Variants in RPL27 observed in about 807,000 individuals in gnomAD.
RPL27 encodes large ribosomal subunit protein eL27.
For missense variants in RPL27, 131 were observed against 174.3 expected (o/e 0.75, Z 1.40); for synonymous variants, 77 against 61.0 (o/e 1.26, Z -1.22).
At chr17:43,000,249 T>G (rs2050345286) in intron 3 of RPL27, 147 bp downstream of exon 3, 1 of 671,916 alleles carries the variant, frequency 1.5e-6, no homozygotes, top group South Asian at 1.9e-5. Context: ...GGTTTCCAGT[T>G]TTGCCTTTGA....
chr17:42,998,318 T>G (rs536512106), upstream of RPL27: 12 of 156,668 alleles, frequency 7.7e-5, no homozygotes, highest in South Asian at 9.4e-4. Flanking sequence ...CTCATGAGCT[T>G]CTTCCGCCCG....
chr17:42,998,887 C>G, intron 2 of RPL27, 56 bp downstream of exon 2: 1 of 1,466,790 alleles, frequency 6.8e-7, no homozygotes, highest in Admixed American at 1.7e-5. Flanking sequence ...CTGGCTGCGG[C>G]GGGGCGGGCA....
At position 42,998,813 on chromosome 17, in the gene RPL27, C is replaced by G; in HGVS notation, c.63C>G (p.Arg21=). The G allele has an allele frequency of 1.2e-6, 2 of 1,613,892 alleles. No individual in the cohort carries two copies. Among genetic ancestry groups the G allele is most frequent in the Non-Finnish European group, 8.5e-7 (1 of 1,179,852 alleles). ...VLVLAGRYSG[R]KAVIVKNIDD... is the part of the protein sequence containing the mutation. ...TCCTGGCTGGACGCTACTCCGGACG[C>G]AAAGCTGTCATCGTGAAGGTATCAG... Residue 21 remains arginine (R), a synonymous_variant, in exon 2 of 5, where the codon CGC becomes CGG. Coordinates refer to ENST00000253788, the MANE Select transcript of RPL27 (RefSeq NM_000988.5).
chr17:43,002,787 A>C lies in RPL27; in HGVS notation c.362+4A>C. 6.2e-7 allele frequency: 1 copy of C among 1,610,460 alleles called. No homozygotes were observed. The highest frequency in any genetic ancestry group is 8.5e-7 in the Non-Finnish European group (1 of 1,176,660). ...CCAAGGTCAAGTTTGAAGAGAGGTA[A>C]GTAGGCTTTGGTAGTGAATGGTGGA... On this transcript the variant is annotated splice_donor_region_variant and intron_variant, in intron 4 of 4. Coordinates refer to ENST00000253788, the MANE Select transcript of RPL27 (RefSeq NM_000988.5).
At chr17:43,002,465 C>G (rs923262687) in intron 3 of RPL27, among the ~76,000 whole-genome samples, 2 of 152,114 alleles carry the variant, frequency 1.3e-5, no homozygotes, top group Non-Finnish European at 2.9e-5. Context: ...TGAGATCACA[C>G]CACTGCAGTC....
At chr17:43,002,074 A>G (rs961350098) in intron 3 of RPL27, among the ~76,000 whole-genome samples, 5 of 151,702 alleles carry the variant, frequency 3.3e-5, no homozygotes, top group Admixed American at 1.3e-4. Flanking sequence ...AGCCTGGGCA[A>G]CAGCGAGACT....
Position 42,998,799 on chromosome 17 carries a change from C to G in RPL27, c.49C>G (p.Arg17Gly), listed in dbSNP as rs764058005. ...PGKVVLVLAG[R>G]YSGRKAVIVK... ...GAAGGTGGTGCTTGTCCTGGCTGGA[C>G]GCTACTCCGGACGCAAAGCTGTCAT... Residue 17 changes from arginine to glycine, a missense_variant, in exon 2 of 5, where the codon CGC (arginine) becomes GGC (glycine). Coordinates refer to ENST00000253788, the MANE Select transcript of RPL27 (RefSeq NM_000988.5). 6.2e-7 allele frequency: 1 copy of G among 1,613,856 alleles called. No individual in the cohort carries two copies. The highest frequency in any genetic ancestry group is 8.5e-7 in the Non-Finnish European group (1 of 1,179,856).
intron 3 of RPL27, among the ~76,000 whole-genome samples, chr17:43,002,276 C>T (rs540139283): frequency 1.1e-4 from 16 of 151,890 alleles, no homozygotes; most frequent in South Asian, 6.2e-4. Context: ...GAGGCCAAGG[C>T]GGGCGGATCA....
chr17:42,999,044 G>A (rs2050331256), intron 2 of RPL27: 2 of 546,962 alleles, frequency 3.7e-6, no homozygotes, highest in East Asian at 3.3e-5. Flanking sequence ...TTCTCCACCA[G>A]AGGCTTTAAA....
intron 2 of RPL27, chr17:42,999,258 TC>T (rs2050333689): frequency 6.3e-6 from 1 of 159,152 alleles, no homozygotes; most frequent in Non-Finnish European, 1.4e-5. Context: ...CAAGCGAGTC[TC>T]CCATCTCAGC....
At chr17:43,002,328 AC>A (rs1388699180) in intron 3 of RPL27, among the ~76,000 whole-genome samples, 1 of 150,886 alleles carries the variant, frequency 6.6e-6, no homozygotes, top group Admixed American at 6.6e-5. Flanking sequence ...ACACTGTGAA[AC>A]CCCGTCTCTA....
At chr17:42,998,565 G>A (rs1328212594) in intron 1 of RPL27, 94 bp downstream of exon 1, 2 of 503,534 alleles carry the variant, frequency 4.0e-6, no homozygotes, top group Non-Finnish European at 7.1e-6. Context: ...TCCTTCCCTA[G>A]GTCTCTGGCG....
At chr17:43,001,123 C>T (rs958896391) in intron 3 of RPL27, among the ~76,000 whole-genome samples, 2 of 151,932 alleles carry the variant, frequency 1.3e-5, no homozygotes, top group African/African-American at 4.8e-5. Flanking sequence ...GCGAGCGGAT[C>T]ACAGGGTCAG....
intron 2 of RPL27, chr17:42,999,298 T>A (rs908413073): frequency 1.9e-5 from 3 of 156,598 alleles, no homozygotes; most frequent in African/African-American, 7.2e-5. Context: ...TACAGGTGCG[T>A]GCCACCATCC....
At chr17:43,000,476 G>GT (rs1212936593) in intron 3 of RPL27, among the ~76,000 whole-genome samples, 23 of 10,332 alleles carry the variant, frequency 2.2e-3, no homozygotes, top group East Asian at 5.2e-3. Context: ...ACAGTGTTTT[G>GT]TTTTGTTTTG....
chr17:43,002,287 C>T (rs1016641076), intron 3 of RPL27, among the ~76,000 whole-genome samples: 7 of 151,784 alleles, frequency 4.6e-5, no homozygotes, highest in Non-Finnish European at 7.4e-5. Context: ...GGGCGGATCA[C>T]GAGGTCAGGA....
intron 2 of RPL27, chr17:42,999,650 C>T (rs2050338266): frequency 3.0e-6 from 1 of 338,168 alleles, no homozygotes; most frequent in Non-Finnish European, 5.5e-6. Context: ...GATACCAAGT[C>T]CTGTGAGCAG....
chr17:43,000,906 T>C (rs1048580146), intron 3 of RPL27, among the ~76,000 whole-genome samples: 1 of 150,600 alleles, frequency 6.6e-6, no homozygotes, highest in East Asian at 2.0e-4. Context: ...AATACAAAAT[T>C]AGCTGGGCAT....
Position 42,998,432 on chromosome 17 carries a change from T to G in RPL27, c.-42T>G, listed in dbSNP as rs2050321715. 1 of 173,988 alleles carries G rather than the reference T, an allele frequency of 5.7e-6. No individual in the cohort carries two copies. Among genetic ancestry groups the G allele is most frequent in the Admixed American group, 1.5e-4 (1 of 6,476 alleles). 10.8% of individuals were successfully genotyped at this position (173,988 alleles called of 1,614,324 possible). On this transcript the variant is annotated 5_prime_UTR_variant, in exon 1 of 5. Transcript: ENST00000253788. ...GGGTGAAAGGTTAGCGGAAGTGTCC[T>G]TCTTTCCTTTTTGCTGGTAGGGCCG...
Sources: gnomAD v4.1 joint callset for allele counts (sites outside exome capture counted in the v4.1 genomes callset) on GRCh38, gnomAD v4.1.1 for gene constraint, MANE v1.5 for transcripts, NCBI Gene and HGNC (gene_info 2026-07-23, HGNC 2026-07-21) for gene names.